Variants in NELL2 observed in about 807,000 individuals in gnomAD.
NELL2 encodes neural EGFL like 2.
In NELL2, 41 loss-of-function variants were observed where a neutral mutation model predicts 109.6. The observed-to-expected ratio is 0.37, with a 90% CI of 0.29 to 0.49. The LOEUF (loss-of-function observed/expected upper bound fraction) is 0.49, where lower values mean the gene tolerates loss of function less well. NELL2 is among the 20% of genes least tolerant of loss of function. The pLI, the probability that NELL2 is intolerant of heterozygous loss-of-function variation, is 0.98. For missense variants in NELL2, 900 were observed against 1,008.3 expected (o/e 0.89, Z 1.45); for synonymous variants, 355 against 344.7 (o/e 1.03, Z -0.33).
At chr12:44,562,040 A>G (rs1337692443) in intron 15 of NELL2, among the ~76,000 whole-genome samples, 1 of 152,098 alleles carries the variant, frequency 6.6e-6, no homozygotes, top group Non-Finnish European at 1.5e-5. Context: ...TTCATTGACA[A>G]ACTTGACAAA....
chr12:44,825,350 A>T (rs1429355077), intron 2 of NELL2, among the ~76,000 whole-genome samples: 3 of 118,144 alleles, frequency 2.5e-5, no homozygotes, highest in Admixed American at 8.1e-5. Flanking sequence ...ACACCTACGT[A>T]TTTTTATAGC....
rs369224758 is a variant in NELL2 at position 44,839,721 on chromosome 12, T to C, written c.185-23585A>G. On this transcript the variant is annotated intron_variant, in intron 2 of 19. Transcript: ENST00000429094. ...TCCTTCAAGTTTGCCGTCAAGGCGA[T>C]GATCATAAAGTTTTTGTAATGAGTC... 4.6e-5 allele frequency among the ~76,000 whole-genome samples: 7 copies of C among 152,350 alleles called. No individual in the cohort carries two copies. The East Asian group carries it at 1.2e-3, about 25-fold the overall frequency.
At chr12:44,717,703 G>C (rs1452761512) in intron 9 of NELL2, among the ~76,000 whole-genome samples, 1 of 152,170 alleles carries the variant, frequency 6.6e-6, no homozygotes, top group Non-Finnish European at 1.5e-5. Context: ...AATTATGGAG[G>C]AGAGGCTGCC....
intron 15 of NELL2, among the ~76,000 whole-genome samples, chr12:44,549,139 T>C (rs938307274): frequency 9.2e-5 from 14 of 152,214 alleles, no homozygotes; most frequent in African/African-American, 2.7e-4. Flanking sequence ...AATAGAGTCA[T>C]AGTACCTGTT....
At chr12:44,824,962 G>A (rs1179429379) in intron 2 of NELL2, among the ~76,000 whole-genome samples, 2 of 151,844 alleles carry the variant, frequency 1.3e-5, no homozygotes, top group Admixed American at 6.6e-5. Context: ...CACCCATCTC[G>A]GCCTCCCAAA....
chr12:44,743,387 C>T (rs1210419208), intron 9 of NELL2, among the ~76,000 whole-genome samples: 3 of 152,292 alleles, frequency 2.0e-5, no homozygotes, highest in South Asian at 2.1e-4. Flanking sequence ...GAAGAAACTG[C>T]ATCAACTAAC....
At chr12:44,790,157 G>A (rs529282714) in intron 3 of NELL2, among the ~76,000 whole-genome samples, 13 of 152,144 alleles carry the variant, frequency 8.5e-5, no homozygotes, top group African/African-American at 2.2e-4. Flanking sequence ...AAAGATCATC[G>A]CCTAGGCACA....
intron 9 of NELL2, among the ~76,000 whole-genome samples, chr12:44,753,029 C>A (rs1240451202): frequency 6.6e-6 from 1 of 152,126 alleles, no homozygotes; most frequent in Non-Finnish European, 1.5e-5. Context: ...CCCTGCTGGC[C>A]TGAACTTTAT....
At chr12:44,792,037 G>A (rs890505356) in intron 3 of NELL2, among the ~76,000 whole-genome samples, 3 of 152,096 alleles carry the variant, frequency 2.0e-5, no homozygotes, top group Non-Finnish European at 2.9e-5. Context: ...GAAGAAAAAA[G>A]TGAGAGTGGT....
chr12:44,771,360 G>A (rs80037355), intron 9 of NELL2, among the ~76,000 whole-genome samples: 4 of 150,736 alleles, frequency 2.7e-5, no homozygotes, highest in Non-Finnish European at 5.9e-5. Context: ...AAAAAAAAAG[G>A]AAAGCAGGCT....
chr12:44,674,674 A>G (rs1250298202), intron 12 of NELL2, among the ~76,000 whole-genome samples: 3 of 152,186 alleles, frequency 2.0e-5, no homozygotes, highest in Admixed American at 6.6e-5. Context: ...ATTTGGAAGA[A>G]GCGGGTAGGG....
intron 15 of NELL2, among the ~76,000 whole-genome samples, chr12:44,576,528 G>C (rs1406687093): frequency 3.3e-5 from 5 of 151,346 alleles, no homozygotes; most frequent in Admixed American, 2.0e-4. Context: ...TGTACCCCTA[G>C]AGCCTACCTT....
chr12:44,661,644 T>G (rs1947746054), intron 13 of NELL2, among the ~76,000 whole-genome samples: 3 of 151,834 alleles, frequency 2.0e-5, no homozygotes, highest in African/African-American at 7.3e-5. Context: ...AGATTCCCAG[T>G]AAAACTCAAG....
intron 9 of NELL2, among the ~76,000 whole-genome samples, chr12:44,722,990 C>T (rs570309076): frequency 5.3e-5 from 8 of 152,166 alleles, no homozygotes; most frequent in Non-Finnish European, 8.8e-5. Context: ...AGATTGAGAC[C>T]ATCCTGGCTA....
intron 3 of NELL2, among the ~76,000 whole-genome samples, chr12:44,787,658 C>T (rs1942229003): frequency 6.6e-6 from 1 of 151,912 alleles, no homozygotes; most frequent in South Asian, 2.1e-4. Context: ...ACAAATATGA[C>T]CAACTGATTT....
chr12:44,708,955 A>G (rs1938040798), intron 11 of NELL2, among the ~76,000 whole-genome samples: 1 of 152,130 alleles, frequency 6.6e-6, no homozygotes, highest in Non-Finnish European at 1.5e-5. Context: ...CCATTTATTA[A>G]CTTGCTTTTC....
chr12:44,598,207 A>G (rs1197898454), intron 15 of NELL2, among the ~76,000 whole-genome samples: 1 of 148,760 alleles, frequency 6.7e-6, no homozygotes, highest in Non-Finnish European at 1.5e-5. Flanking sequence ...AGGGAGAGTT[A>G]TCTATTAGAT....
At chr12:44,622,454 T>C (rs1946094786) in intron 13 of NELL2, among the ~76,000 whole-genome samples, 1 of 152,156 alleles carries the variant, frequency 6.6e-6, no homozygotes, top group South Asian at 2.1e-4. Flanking sequence ...ATATGATCTA[T>C]TCATTTTTTA....
In NELL2 at chr12:44,654,519, G is replaced by A. The variant is rs1332015902; in HGVS notation, c.1444+10965C>T. On this transcript the variant is annotated intron_variant, in intron 13 of 19. Coordinates refer to ENST00000429094, the MANE Select transcript of NELL2 (RefSeq NM_001145108.2). ...TAGTGTGGGCTGGACCTAGTGATTT[G>A]TTTCTAACCAATAGTTTACAGCAAA... is the stretch of plus-strand genomic sequence containing the variant. Among the ~76,000 whole-genome samples the A allele has an allele frequency of 3.3e-5, 5 of 152,128 alleles. No individual in the cohort carries two copies. In the South Asian group the frequency reaches 8.3e-4, roughly 25 times the overall value.
Sources: allele counts gnomAD v4.1 joint callset (sites outside exome capture counted in the v4.1 genomes callset), GRCh38; gene constraint gnomAD v4.1.1; transcripts MANE v1.5; gene names NCBI Gene and HGNC (gene_info 2026-07-23, HGNC 2026-07-21).